The following ABCC6 variants were observed in gnomAD, a reference collection of about 807,000 sequenced individuals.
ABCC6 encodes ATP binding cassette subfamily C member 6.
ABCC6 carries 126 observed loss-of-function variants against 169.5 expected under a neutral mutation model. The observed-to-expected ratio is 0.74, with a 90% CI of 0.64 to 0.86. The LOEUF (loss-of-function observed/expected upper bound fraction) is 0.86. ABCC6 is among the 40% of genes least tolerant of loss of function. The pLI is 0.00. For missense variants in ABCC6, 1,733 were observed against 1,927.2 expected, an observed-to-expected ratio of 0.90 and a Z score of 1.89; for synonymous variants, 752 against 814.7, an observed-to-expected ratio of 0.92 and a Z score of 1.31.
chr16:16,186,896 A>G (rs1389758432), intron 14 of ABCC6, among the ~76,000 whole-genome samples: 1 of 152,050 alleles, frequency 6.6e-6, no homozygotes, highest in Non-Finnish European at 1.5e-5. Context: ...TACACCCAGG[A>G]TGGTACAAAG....
At chr16:16,151,692 T>G (rs1373678668) in intron 29 of ABCC6, among the ~76,000 whole-genome samples, 1 of 152,202 alleles carries the variant, frequency 6.6e-6, no homozygotes, top group Non-Finnish European at 1.5e-5. Flanking sequence ...TTGTATATAT[T>G]CACTCAATCC....
At position 16,173,270 on chromosome 16, in the gene ABCC6, A is replaced by G. The variant is rs2047170007; in HGVS notation, c.2787+14T>C. On this transcript the variant is annotated intron_variant, in intron 21 of 30. Transcript: ENST00000205557. ...AGCAGTGGGTGGGGAGGGGTGGGTG[A>G]AGCTGGTGGTTACCCTGCCGTATTG... 1 of 1,613,168 alleles carries G rather than the reference A, an allele frequency of 6.2e-7. No homozygotes were observed. The highest frequency in any genetic ancestry group is 2.2e-5 in the East Asian group (1 of 44,862).
chr16:16,156,692 A>G (rs2046561636), intron 27 of ABCC6, among the ~76,000 whole-genome samples: 1 of 152,106 alleles, frequency 6.6e-6, no homozygotes, highest in Non-Finnish European at 1.5e-5. Context: ...TCATGCCTGT[A>G]GTCCCAGCAC....
rs543454429 is a variant in ABCC6 at position 16,186,214 on chromosome 16, G to C, written c.1867+910C>G. ...AAAGAAGGATGGGGTGGAGGGGGAA[G>C]CCCAGGTAACTTGAGCTTGGTAAGT... On this transcript the variant is annotated intron_variant, in intron 14 of 30. Transcript: ENST00000205557. Among the ~76,000 whole-genome samples, 11 of 152,304 alleles carry C rather than the reference G, an allele frequency of 7.2e-5. No individual in the cohort carries two copies. In the South Asian group the frequency reaches 2.3e-3, roughly 32 times the overall value.
rs760958976 is a variant in ABCC6, at chr16:16,188,903, C to T, written c.1707G>A (p.Val569=). Residue 569 remains valine, a synonymous_variant, in exon 13 of 31, where the codon GTG becomes GTA. Coordinates refer to ENST00000205557, the MANE Select transcript of ABCC6 (RefSeq NM_001171.6). ...ENAMNAEKAF[V]TLTVLNILNK... ...TGAGGATGTTGAGAACTGTGAGAGT[C>T]ACAAAGGCTTTCTCTGCATTCATAG... The T allele has an allele frequency of 7.4e-6, 12 of 1,614,006 alleles. No homozygotes were observed. The highest frequency in any genetic ancestry group is 1.0e-5 in the Non-Finnish European group (12 of 1,180,008).
intron 29 of ABCC6, among the ~76,000 whole-genome samples, chr16:16,153,601 C>G (rs2046451225): frequency 6.6e-6 from 1 of 152,062 alleles, no homozygotes; most frequent in South Asian, 2.1e-4. Context: ...TGTGAATGTA[C>G]CTAACACTAC....
chr16:16,198,247 G>A (rs542087707), intron 9 of ABCC6, 65 bp from the exon 10 acceptor site: 2 of 1,529,320 alleles, frequency 1.3e-6, no homozygotes, highest in Admixed American at 2.0e-5. Flanking sequence ...GCCCCAGGTG[G>A]CTTCTCCACC....
At position 16,214,267 on chromosome 16, in the gene ABCC6, G is replaced by A. The variant is rs1256903337; in HGVS notation, c.600+57C>T. On this transcript the variant is annotated intron_variant, in intron 5 of 30. Coordinates refer to ENST00000205557, the MANE Select transcript of ABCC6 (RefSeq NM_001171.6). ...AAAAATTAAAGACTTTTGGTCACCT[G>A]GGGGAGACTGAGACCTCAAAGTGGA... 2.6e-6 allele frequency: 4 copies of A among 1,544,340 alleles called. No individual in the cohort carries two copies. In the Admixed American group the frequency reaches 7.9e-5, roughly 30 times the overall value.
Position 16,221,639 on chromosome 16 carries a change from T to C in ABCC6, c.219+10A>G. ...TTGCCTGGTTCCAGGCTCCCAGGGA[T>C]GGCAGCTACCATCTTGGCTTTGAAG... On this transcript the variant is annotated intron_variant, in intron 2 of 30. Transcript: ENST00000205557. The C allele has an allele frequency of 6.2e-7, 1 of 1,613,802 alleles. No homozygotes were observed.
Position 16,190,296 on chromosome 16 carries a change from G to A in ABCC6, c.1503C>T (p.Ile501=), listed in dbSNP as rs1567513428. The change falls in exon 12 of 31, where the codon ATC becomes ATT. Residue 501 remains isoleucine (I), a synonymous_variant. Coordinates refer to ENST00000205557, the MANE Select transcript of ABCC6 (RefSeq NM_001171.6). ...TSSILRNSKT[I]KFHGWEGAFL... ...AGGCTCCCTCCCAGCCATGGAACTT[G>A]ATGGTCTTCGAGTTCCTGAGGATAG... 1.2e-6 allele frequency: 2 copies of A among 1,614,184 alleles called. No individual in the cohort carries two copies. Among genetic ancestry groups the A allele is most frequent in the Non-Finnish European group, 1.7e-6 (2 of 1,180,042 alleles).
intron 20 of ABCC6, among the ~76,000 whole-genome samples, chr16:16,175,643 C>T (rs542004318): frequency 6.6e-6 from 1 of 152,354 alleles, no homozygotes; most frequent in East Asian, 1.9e-4. Flanking sequence ...CTCCAGCAAG[C>T]TGGCCTCGGC....
intron 1 of ABCC6, among the ~76,000 whole-genome samples, chr16:16,222,628 C>G (rs2049111755): frequency 6.6e-6 from 1 of 151,974 alleles, no homozygotes; most frequent in Non-Finnish European, 1.5e-5. Flanking sequence ...AATCCTCCTG[C>G]CTCAGCCTCC....
Position 16,182,604 on chromosome 16 carries a change from C to T in ABCC6, c.2071-16G>A. On this transcript the variant is annotated splice_polypyrimidine_tract_variant and intron_variant, in intron 16 of 30. Transcript: ENST00000205557. ...CCACAGCACCCTAAAACACAACTTA[C>T]TTTGGTCACAGGAGGATGATGGGGA... The T allele has an allele frequency of 6.2e-7, 1 of 1,610,486 alleles. No individual in the cohort carries two copies. Among genetic ancestry groups the T allele is most frequent in the Non-Finnish European group, 8.5e-7 (1 of 1,177,462 alleles).
chr16:16,200,679 C>A (rs1335629285), intron 9 of ABCC6, among the ~76,000 whole-genome samples: 4 of 149,712 alleles, frequency 2.7e-5, no homozygotes, highest in Admixed American at 1.4e-4. Context: ...AAGAGCTGCC[C>A]TCTCGGCCAC....
rs1251161475 is a variant in ABCC6, at chr16:16,190,922, G to A, written c.1432-555C>T. ...GGCTTGAGATGGGGGTGGGGGGTGG[G>A]GGCTGGGGGGTAGGGGGGTGGCGGG... On this transcript the variant is annotated intron_variant, in intron 11 of 30. Transcript: ENST00000205557. 9.7e-5 allele frequency among the ~76,000 whole-genome samples: 12 copies of A among 124,012 alleles called. No individual in the cohort carries two copies. The East Asian group carries it at 3.3e-3, about 34-fold the overall frequency. 81.4% of individuals were successfully genotyped at this position (124,012 alleles called of 152,430 possible).
chr16:16,163,998 C>A (rs1489681973), intron 23 of ABCC6, among the ~76,000 whole-genome samples: 1 of 151,936 alleles, frequency 6.6e-6, no homozygotes, highest in East Asian at 1.9e-4. Context: ...TTAGAGAAGA[C>A]CTAGGACAAT....
chr16:16,187,371 A>G (rs1243598497), intron 13 of ABCC6, among the ~76,000 whole-genome samples, 160 bp from the exon 14 acceptor site: 3 of 152,170 alleles, frequency 2.0e-5, no homozygotes, highest in Non-Finnish European at 4.4e-5. Context: ...AAACGATGCA[A>G]CCCGAGTGGT....
At position 16,190,235 on chromosome 16, in the gene ABCC6, G is replaced by A; in HGVS notation, c.1564C>T (p.Leu522=). Residue 522 remains leucine (L), a synonymous_variant, in exon 12 of 31, where the codon CTG becomes TTG. Coordinates refer to ENST00000205557, the MANE Select transcript of ABCC6 (RefSeq NM_001171.6). ...AGGCCGGAGGTCCGCAAGGCGCCCA[G>A]CTCCTGGCCTCGGATGCCCAGGACT... The part of the protein sequence containing the change: ...DRVLGIRGQE[L]GALRTSGLLF... 6.2e-7 allele frequency: 1 copy of A among 1,614,074 alleles called. No individual in the cohort carries two copies. Among genetic ancestry groups the A allele is most frequent in the Non-Finnish European group, 8.5e-7 (1 of 1,180,022 alleles).
chr16:16,151,210 TGC>T (rs2046378692), intron 29 of ABCC6, among the ~76,000 whole-genome samples: 1 of 152,122 alleles, frequency 6.6e-6, no homozygotes, highest in African/African-American at 2.4e-5. Flanking sequence ...ATTACAGTCA[TGC>T]GCCACCATGC....
Sources: gnomAD v4.1 joint callset for allele counts (sites outside exome capture counted in the v4.1 genomes callset) on GRCh38, gnomAD v4.1.1 for gene constraint, MANE v1.5 for transcripts, NCBI Gene and HGNC (gene_info 2026-07-23, HGNC 2026-07-21) for gene names.